Variants in LRRC4C observed in about 807,000 individuals in gnomAD.
LRRC4C encodes leucine-rich repeat-containing protein 4C.
Under a neutral mutation model 33.6 loss-of-function variants are expected in LRRC4C, and 5 were observed. The ratio of observed to expected loss-of-function variants is 0.15; its 90% CI spans 0.08 to 0.31. LRRC4C has a LOEUF of 0.31. Ranked by LOEUF, LRRC4C falls within the 10% of genes least tolerant of loss-of-function variation. The pLI, the probability that LRRC4C is intolerant of heterozygous loss-of-function variation, is 1.00. For missense variants in LRRC4C, 560 were observed against 796.7 expected (o/e 0.70, Z 3.58); for synonymous variants, 329 against 302.0 (o/e 1.09, Z -0.93).
intron 1 of LRRC4C, among the ~76,000 whole-genome samples, chr11:41,308,060 G>A (rs1220503143): frequency 1.3e-5 from 2 of 152,158 alleles, no homozygotes; most frequent in Non-Finnish European, 2.9e-5. Context: ...TCAGCAAATA[G>A]GCAGGAAGGA....
intron 1 of LRRC4C, among the ~76,000 whole-genome samples, chr11:41,422,408 C>T (rs1591482330): frequency 1.3e-5 from 2 of 152,022 alleles, no homozygotes; most frequent in South Asian, 4.1e-4. Flanking sequence ...CTAACAAAGG[C>T]TTTCCCATTT....
At chr11:41,459,261 AC>A (rs1388816118) in intron 1 of LRRC4C, among the ~76,000 whole-genome samples, 169 bp downstream of exon 1, 4 of 152,080 alleles carry the variant, frequency 2.6e-5, no homozygotes, top group Admixed American at 2.6e-4. Flanking sequence ...AATGGAAATA[AC>A]CTCCTTGGCA....
chr11:40,790,523 C>T (rs1030986913), intron 2 of LRRC4C, among the ~76,000 whole-genome samples: 9 of 152,256 alleles, frequency 5.9e-5, no homozygotes, highest in South Asian at 4.1e-4. Context: ...AAATTCTCTC[C>T]AAGGTGAGCA....
chr11:41,034,492 CATATATATACAA>C (rs1565320877), intron 1 of LRRC4C, among the ~76,000 whole-genome samples: 1 of 144,316 alleles, frequency 6.9e-6, no homozygotes, highest in African/African-American at 2.5e-5. Context: ...TATATATACA[CATATATATACAA>C]AATATATGTG....
chr11:41,076,843 C>T (rs1939187075), intron 1 of LRRC4C, among the ~76,000 whole-genome samples: 1 of 152,140 alleles, frequency 6.6e-6, no homozygotes, highest in African/African-American at 2.4e-5. Context: ...ACCCTTCTGC[C>T]TAGAAGCCTG....
intron 3 of LRRC4C, among the ~76,000 whole-genome samples, chr11:40,490,440 T>C (rs181535305): frequency 1.1e-4 from 17 of 152,280 alleles, no homozygotes; most frequent in Admixed American, 9.2e-4. Flanking sequence ...GTAGTGCATG[T>C]ATGCCTGTTG....
chr11:41,107,412 T>A (rs1000407722), intron 1 of LRRC4C, among the ~76,000 whole-genome samples: 2 of 152,236 alleles, frequency 1.3e-5, no homozygotes, highest in African/African-American at 4.8e-5. Context: ...GTAGCTATAA[T>A]AATATATCCT....
Position 40,131,772 on chromosome 11 carries a change from C to T in LRRC4C, c.-43+9029G>A, listed in dbSNP as rs189180880. The stretch of plus-strand genomic sequence containing the variant: ...TATTGTCTTCATTGTTTCCATTATT[C>T]GTCTAGCACTGATGACAGTTAAAGT... On this transcript the variant is annotated intron_variant, in intron 6 of 6. Transcript: ENST00000528697. Among the ~76,000 whole-genome samples the T allele has an allele frequency of 7.2e-5, 11 of 152,220 alleles. No individual in the cohort carries two copies. The East Asian group carries it at 1.9e-3, about 27-fold the overall frequency.
intron 3 of LRRC4C, among the ~76,000 whole-genome samples, chr11:40,349,393 C>G (rs1947282976): frequency 6.9e-6 from 1 of 144,166 alleles, no homozygotes; most frequent in Admixed American, 7.1e-5. Context: ...CTGCAAATGA[C>G]AGAATCTCAT....
At chr11:41,145,994 C>A (rs1208220808) in intron 1 of LRRC4C, among the ~76,000 whole-genome samples, 1 of 152,128 alleles carries the variant, frequency 6.6e-6, no homozygotes, top group African/African-American at 2.4e-5. Flanking sequence ...AACCAAAATA[C>A]TTCCTTCACC....
At chr11:40,967,322 G>A (rs1851435007) in intron 1 of LRRC4C, among the ~76,000 whole-genome samples, 1 of 151,846 alleles carries the variant, frequency 6.6e-6, no homozygotes, top group Admixed American at 6.6e-5. Flanking sequence ...TTGAAAATAG[G>A]GGATAGGATT....
chr11:40,410,298 C>T (rs779743237), intron 3 of LRRC4C, among the ~76,000 whole-genome samples: 17 of 152,064 alleles, frequency 1.1e-4, no homozygotes, highest in Non-Finnish European at 2.2e-4. Context: ...ATACCCCAAA[C>T]ATTATTATGT....
intron 5 of LRRC4C, among the ~76,000 whole-genome samples, chr11:40,188,215 A>C (rs1186626906): frequency 2.0e-5 from 3 of 152,234 alleles, no homozygotes; most frequent in African/African-American, 7.2e-5. Context: ...TTCTAAATGC[A>C]AAGGTCTTGG....
intron 2 of LRRC4C, among the ~76,000 whole-genome samples, chr11:40,751,928 G>T (rs1045259428): frequency 6.6e-6 from 1 of 151,972 alleles, no homozygotes; most frequent in Non-Finnish European, 1.5e-5. Context: ...AACAAACAGA[G>T]AACCCAGAGA....
At chr11:40,756,623 G>A (rs1948960942) in intron 2 of LRRC4C, among the ~76,000 whole-genome samples, 1 of 151,998 alleles carries the variant, frequency 6.6e-6, no homozygotes, top group Non-Finnish European at 1.5e-5. Flanking sequence ...CAAAGCTGTT[G>A]TCCTTCAAGT....
At chr11:40,129,049 C>T (rs970972411) in intron 6 of LRRC4C, among the ~76,000 whole-genome samples, 1 of 152,088 alleles carries the variant, frequency 6.6e-6, no homozygotes, top group Non-Finnish European at 1.5e-5. Flanking sequence ...CCTTATTCAG[C>T]AGTATTCACC....
chr11:40,876,637 G>C (rs1464850449), intron 2 of LRRC4C, among the ~76,000 whole-genome samples: 4 of 152,054 alleles, frequency 2.6e-5, no homozygotes, highest in African/African-American at 4.8e-5. Context: ...GGGCATGCTG[G>C]CTCACACCTG....
At chr11:40,249,736 T>C (rs114000006) in intron 4 of LRRC4C, among the ~76,000 whole-genome samples, 3 of 152,152 alleles carry the variant, frequency 2.0e-5, no homozygotes, top group African/African-American at 7.2e-5. Flanking sequence ...CTCTGTTCCC[T>C]AAAAAAGGCC....
At chr11:40,555,711 G>T (rs1008844932) in intron 3 of LRRC4C, among the ~76,000 whole-genome samples, 4 of 152,124 alleles carry the variant, frequency 2.6e-5, no homozygotes, top group African/African-American at 9.7e-5. Flanking sequence ...AAAAAGGACC[G>T]TGTATATTTT....
Sources: allele counts gnomAD v4.1 joint callset (sites outside exome capture counted in the v4.1 genomes callset), GRCh38; gene constraint gnomAD v4.1.1; transcripts MANE v1.5; gene names NCBI Gene and HGNC (gene_info 2026-07-23, HGNC 2026-07-21).